The following MEGF6 variants were observed in gnomAD, a reference collection of about 807,000 sequenced individuals.
MEGF6 encodes the protein multiple EGF like domains 6, also known as multiple epidermal growth factor-like domains protein 6.
MEGF6 carries 184 observed loss-of-function variants against 207.1 expected under a neutral mutation model. The ratio of observed to expected loss-of-function variants is 0.89; its 90% CI spans 0.79 to 1.00. The LOEUF (loss-of-function observed/expected upper bound fraction) is 1.00. Among genes scored for constraint, MEGF6 ranks in the 50% least tolerant of loss-of-function variants. MEGF6 has a pLI of 0.00. For missense variants in MEGF6, 2,282 were observed against 2,202.9 expected, an observed-to-expected ratio of 1.04 and a Z score of -0.72; for synonymous variants, 1,038 against 910.0, an observed-to-expected ratio of 1.14 and a Z score of -2.53.
chr1:3,557,105 C>A (rs1260604193), intron 4 of MEGF6, among the ~76,000 whole-genome samples: 1 of 152,120 alleles, frequency 6.6e-6, no homozygotes. Flanking sequence ...GAGCCACGAG[C>A]CAAGGAACGT....
intron 2 of MEGF6, among the ~76,000 whole-genome samples, chr1:3,600,262 T>C (rs1644137274): frequency 6.6e-6 from 1 of 152,162 alleles, no homozygotes; most frequent in South Asian, 2.1e-4. Flanking sequence ...CATACCCAGG[T>C]ATCTGCTGTG....
chr1:3,495,118 G>C (rs1198615804), intron 30 of MEGF6, among the ~76,000 whole-genome samples: 6 of 152,234 alleles, frequency 3.9e-5, no homozygotes, highest in Non-Finnish European at 8.8e-5. Context: ...GAAGTAGCGT[G>C]GCTGGGCTGC....
Position 3,515,433 on chromosome 1 carries a change from G to T in MEGF6, c.699C>A (p.Phe233Leu). The change falls in exon 6 of 37, where the codon TTC (phenylalanine) becomes TTA (leucine). Residue 233 changes from phenylalanine to leucine, a missense_variant. By Grantham distance (22) the Phe-to-Leu change is conservative (BLOSUM62 0). Coordinates refer to ENST00000356575, the MANE Select transcript of MEGF6 (RefSeq NM_001409.4). The stretch of plus-strand genomic sequence containing the variant: ...AATGCCTGCCGTCCTCCTGGAGCTG[G>T]AACCCGGGCCGGCACTGGCAGCGAT... ...TRHRCQCRPG[F>L]QLQEDGRHCV... The T allele has an allele frequency of 6.2e-7, 1 of 1,612,572 alleles. No homozygotes were observed.
rs564608741 is a variant in MEGF6 at position 3,565,228 on chromosome 1, G to A, written c.481+14597C>T. On this transcript the variant is annotated intron_variant, in intron 4 of 36. Transcript: ENST00000356575. This position sits in a 1 kb window ranked among gnomAD's most constrained non-coding sequence, Gnocchi z 4.8. ...GTCCCCGAGGCCTGGGCAGTTGGGC[G>A]TCCCCAGGCGCCTCCTTGTTTATCA... 5.9e-5 allele frequency among the ~76,000 whole-genome samples: 9 copies of A among 152,090 alleles called. No individual in the cohort carries two copies. The highest frequency in any genetic ancestry group is 4.2e-4 in the South Asian group (2 of 4,796).
Position 3,498,793 on chromosome 1 carries a change from C to T in MEGF6, c.3128G>A (p.Arg1043Gln), listed in dbSNP as rs41315294. 2,751 of 1,555,510 alleles carry T rather than the reference C, an allele frequency of 1.8e-3. 8 individuals are homozygous for T. Among genetic ancestry groups the T allele is most frequent in the African/African-American group, 0.012 (871 of 73,568 alleles). The change falls in exon 25 of 37, where the codon CGG becomes CAG. Residue 1043 changes from arginine (R) to glutamine (Q), a missense_variant. Physicochemically the swap from Arg to Gln is conservative, Grantham distance 43. Coordinates refer to ENST00000356575, the MANE Select transcript of MEGF6 (RefSeq NM_001409.4). ...CPAGLYGDNCRHSCLCQNGGT... is the reference protein window; with the variant it reads ...CPAGLYGDNCQHSCLCQNGGT... ...TCCGTTCTGGCAGAGGCAGGAATGC[C>T]GACAGTTGTCGCCGTACAGGCCGGC... is the stretch of plus-strand genomic sequence containing the variant.
rs1033589263 is a variant in MEGF6 at position 3,532,375 on chromosome 1, C to G, written c.482-8129G>C. ...GGTCGGGGGTCACTGGGCTCCCACT[C>G]CTAGCCTCCATGGAGATGGAAGAGC... On this transcript the variant is annotated intron_variant, in intron 4 of 36. Coordinates refer to ENST00000356575, the MANE Select transcript of MEGF6 (RefSeq NM_001409.4). 6.6e-5 allele frequency among the ~76,000 whole-genome samples: 10 copies of G among 152,238 alleles called. 1 individual carries two copies. Among genetic ancestry groups the G allele is most frequent in the Admixed American group, 3.3e-4 (5 of 15,290 alleles).
rs375796161 is a variant in MEGF6 at position 3,593,211 on chromosome 1, G to C, written c.376+2127C>G. Among the ~76,000 whole-genome samples, 10 of 152,246 alleles carry C rather than the reference G, an allele frequency of 6.6e-5. 2 individuals carry two copies. The highest frequency in any genetic ancestry group is 6.5e-5 in the Admixed American group (1 of 15,306). ...GCCCTGCTGGGACCATCGAGACACT[G>C]AGATCCCCACAGCGGGGAGCGGCTG... On this transcript the variant is annotated intron_variant, in intron 3 of 36. Coordinates refer to ENST00000356575, the MANE Select transcript of MEGF6 (RefSeq NM_001409.4).
chr1:3,541,337 C>T (rs779518232), intron 4 of MEGF6, among the ~76,000 whole-genome samples: 1 of 152,210 alleles, frequency 6.6e-6, no homozygotes, highest in South Asian at 2.1e-4. Context: ...GCACATCGTC[C>T]CAGGAAGCAA....
At chr1:3,497,639 A>C in intron 26 of MEGF6, 1 of 623,920 alleles carries the variant, frequency 1.6e-6, no homozygotes, top group East Asian at 3.3e-5. Flanking sequence ...GACGAGACAG[A>C]TAGGGCTGAG....
the MEGF6 span, among the ~76,000 whole-genome samples, chr1:3,619,376 A>ACATG: frequency 6.6e-6 from 1 of 152,244 alleles, no homozygotes; most frequent in Non-Finnish European, 1.5e-5. Flanking sequence ...ACACATCATT[A>ACATG]CATGTGTCCC....
chr1:3,593,377 A>G (rs1040054241), intron 3 of MEGF6, among the ~76,000 whole-genome samples: 1 of 151,992 alleles, frequency 6.6e-6, no homozygotes, highest in African/African-American at 2.4e-5. Context: ...CATCGGGGGA[A>G]CGCGGCTGCG....
intron 3 of MEGF6, among the ~76,000 whole-genome samples, chr1:3,592,456 G>C (rs994768769): frequency 6.6e-6 from 1 of 151,908 alleles, no homozygotes; most frequent in Non-Finnish European, 1.5e-5. Context: ...TGCAGGCCTC[G>C]TCACACCCTG....
intron 4 of MEGF6, among the ~76,000 whole-genome samples, chr1:3,562,770 G>A (rs1286368379): frequency 6.6e-6 from 1 of 152,162 alleles, no homozygotes; most frequent in Non-Finnish European, 1.5e-5. Context: ...GGCCTCTGTT[G>A]TTCATGCACC....
intron 5 of MEGF6, among the ~76,000 whole-genome samples, chr1:3,519,839 G>T (rs1641678465): frequency 6.6e-6 from 1 of 152,240 alleles, no homozygotes; most frequent in Non-Finnish European, 1.5e-5. Flanking sequence ...GTGATGGGGA[G>T]ACCCAGGCCT....
intron 1 of MEGF6, among the ~76,000 whole-genome samples, chr1:3,609,032 C>T (rs527829862): frequency 3.3e-5 from 5 of 152,192 alleles, no homozygotes; most frequent in Admixed American, 6.5e-5. Flanking sequence ...AACTCAGCAG[C>T]CAGTGGTTCA....
intron 4 of MEGF6, among the ~76,000 whole-genome samples, chr1:3,576,405 C>T (rs1643643789): frequency 6.6e-6 from 1 of 152,240 alleles, no homozygotes; most frequent in Non-Finnish European, 1.5e-5. Flanking sequence ...TTCCTGTCTC[C>T]CTCCCCAACT....
chr1:3,511,813 A>G (rs1190854378), intron 8 of MEGF6, 126 bp from the exon 9 acceptor site: 2 of 1,468,358 alleles, frequency 1.4e-6, no homozygotes, highest in East Asian at 4.7e-5. Flanking sequence ...AAGCAGCAAC[A>G]TGGAGCTCCC....
chr1:3,591,436 C>A (rs1321083653), intron 3 of MEGF6, among the ~76,000 whole-genome samples: 1 of 152,188 alleles, frequency 6.6e-6, no homozygotes, highest in African/African-American at 2.4e-5. Flanking sequence ...CACCACAGGC[C>A]AAGCAGACTT....
At chr1:3,531,474 A>C in intron 4 of MEGF6, 9 of 1,080,048 alleles carry the variant, frequency 8.3e-6, no homozygotes, top group Non-Finnish European at 9.0e-6. Flanking sequence ...CCGCAGGTAA[A>C]GGCCAAGTCC....
Sources: gnomAD v4.1 joint callset for allele counts (sites outside exome capture counted in the v4.1 genomes callset) on GRCh38, gnomAD v4.1.1 for gene constraint, Gnocchi (gnomAD v3.1) non-coding constraint, MANE v1.5 for transcripts, NCBI Gene and HGNC (gene_info 2026-07-23, HGNC 2026-07-21) for gene names.